Variants in CXXC5 observed in about 807,000 individuals in gnomAD.
CXXC5 encodes the protein CXXC-type zinc finger protein 5.
A neutral mutation model predicts 17.6 loss-of-function variants in CXXC5; 2 were observed. The ratio of observed to expected loss-of-function variants is 0.11; its 90% confidence interval spans 0.05 to 0.36. The LOEUF is 0.36. CXXC5 is among the 10% of genes least tolerant of loss of function. The pLI is 1.00. For missense variants in CXXC5, 343 were observed against 458.3 expected, an observed-to-expected ratio of 0.75 and a Z score of 2.30; for synonymous variants, 171 against 193.0, an observed-to-expected ratio of 0.89 and a Z score of 0.94.
chr5:139,654,949 G>C (rs2126746083), intron 1 of CXXC5, among the ~76,000 whole-genome samples: 1 of 152,274 alleles, frequency 6.6e-6, no homozygotes, highest in African/African-American at 2.4e-5. Context: ...GTGAGGCCCA[G>C]CCGTCCCTCC....
In CXXC5 at chr5:139,682,881, G is replaced by A. The variant is rs780820933; in HGVS notation, c.943G>A (p.Gly315Arg). Residue 315 changes from glycine (G) to arginine (R), a missense_variant, in exon 3 of 3, where the codon GGA becomes AGA. Physicochemically the swap from Gly to Arg is moderately radical, Grantham distance 125 (BLOSUM62 -2). Coordinates refer to ENST00000302517, the MANE Select transcript of CXXC5 (RefSeq NM_016463.9). ...CCGCCAGAAGGTGATGCTTCCGACG[G>A]GAGCCGCCTTCCGGTGGTTTCAGTG... is the stretch of plus-strand genomic sequence containing the variant. ...AALEKVMLPT[G>R]AAFRWFQ 3.8e-6 allele frequency: 6 copies of A among 1,594,414 alleles called. No homozygotes were observed. Among genetic ancestry groups the A allele is most frequent in the Non-Finnish European group, 5.1e-6 (6 of 1,170,208 alleles).
At chr5:139,681,767 G>C (rs934695400) in intron 2 of CXXC5, among the ~76,000 whole-genome samples, 1 of 152,248 alleles carries the variant, frequency 6.6e-6, no homozygotes, top group Non-Finnish European at 1.5e-5. Flanking sequence ...TTTCCATACA[G>C]GTCCTAAGTT....
upstream of CXXC5, chr5:139,648,186 G>C (rs1030575619): frequency 6.6e-6 from 1 of 150,804 alleles, no homozygotes; most frequent in Non-Finnish European, 1.5e-5. Flanking sequence ...CAGAGCCCGC[G>C]GCGTCCAAGT....
At chr5:139,681,813 A>G (rs1757253781) in intron 2 of CXXC5, among the ~76,000 whole-genome samples, 1 of 152,184 alleles carries the variant, frequency 6.6e-6, no homozygotes, top group African/African-American at 2.4e-5. Context: ...CATCCAGTCC[A>G]TGACCTAGAA....
rs553701255 is a variant in CXXC5, at chr5:139,679,752, C to T, written c.-160-612C>T. On this transcript the variant is annotated intron_variant, in intron 1 of 2. Transcript: ENST00000302517. ...TTATAACTCACTGCATCCTCAACCT[C>T]CTGGGCTCAAGCAGTCCTCCCACCT... is the stretch of plus-strand genomic sequence containing the variant. The T allele has an allele frequency of 2.0e-5, 3 of 152,372 alleles. No homozygotes were observed. The East Asian group carries it at 5.8e-4, about 29-fold the overall frequency. 9.4% of individuals were successfully genotyped at this position (152,372 alleles called of 1,614,324 possible). A position where few individuals can be genotyped will look rare whatever the true frequency, so the allele number is the denominator to read the frequency against.
intron 1 of CXXC5, among the ~76,000 whole-genome samples, chr5:139,660,379 A>G (rs1306612685): frequency 6.6e-6 from 1 of 152,164 alleles, no homozygotes; most frequent in African/African-American, 2.4e-5. Context: ...CCTGGCCAGG[A>G]TCCGGCCAGG....
At chr5:139,660,940 G>A (rs992741093) in intron 1 of CXXC5, among the ~76,000 whole-genome samples, 13 of 148,832 alleles carry the variant, frequency 8.7e-5, no homozygotes, top group African/African-American at 2.7e-4. Context: ...CCTGGTGGCC[G>A]GCGGGACAGG....
At chr5:139,678,075 A>G (rs1015330229) in intron 1 of CXXC5, among the ~76,000 whole-genome samples, 3 of 152,202 alleles carry the variant, frequency 2.0e-5, no homozygotes, top group Admixed American at 6.5e-5. Context: ...TGCAGCCCAC[A>G]AGACACCTGC....
rs1221543342 is a variant in CXXC5 at position 139,670,128 on chromosome 5, C to A, written c.-160-10236C>A. On this transcript the variant is annotated intron_variant, in intron 1 of 2. Transcript: ENST00000302517. This position sits in a 1 kb window ranked among gnomAD's most constrained non-coding sequence, Gnocchi z 4.2. ...GCCGGCTCGGCCCCATGGCCCCTCT[C>A]GCCTCATTATTTTTGTGTTCCGGGG... Among the ~76,000 whole-genome samples the A allele has an allele frequency of 2.0e-5, 3 of 152,236 alleles. No homozygotes were observed. Among genetic ancestry groups the A allele is most frequent in the Non-Finnish European group, 4.4e-5 (3 of 68,038 alleles).
chr5:139,680,546 C>A lies in CXXC5; in HGVS notation c.23C>A (p.Ser8Tyr), dbSNP rs967076715. The A allele has an allele frequency of 1.1e-5, 18 of 1,570,092 alleles. No homozygotes were observed. The Middle Eastern group carries it at 6.7e-4, about 59-fold the overall frequency. The change falls in exon 2 of 3, where the codon TCC becomes TAC. Residue 8 changes from serine to tyrosine, a missense_variant. Coordinates refer to ENST00000302517, the MANE Select transcript of CXXC5 (RefSeq NM_016463.9). Reference protein sequence around the residue: MSSLGGGSQDAGGSSSSS... With the variant: MSSLGGGYQDAGGSSSSS... ...ACCATGTCGAGCCTCGGCGGTGGCT[C>A]CCAGGATGCCGGCGGCAGTAGCAGC... is the stretch of plus-strand genomic sequence containing the variant.
intron 1 of CXXC5, among the ~76,000 whole-genome samples, chr5:139,659,215 C>T (rs921389134): frequency 4.0e-5 from 6 of 151,880 alleles, no homozygotes; most frequent in Admixed American, 1.3e-4. Flanking sequence ...CTGCTGCAGA[C>T]GGGTAGGGGT....
In CXXC5 at chr5:139,681,243, G is replaced by A; in HGVS notation, c.720G>A (p.Leu240=). 1 of 1,612,096 alleles carries A rather than the reference G, an allele frequency of 6.2e-7. No homozygotes were observed. Among genetic ancestry groups the A allele is most frequent in the South Asian group, 1.1e-5 (1 of 90,988 alleles). Residue 240 remains leucine, a synonymous_variant, in exon 2 of 3, where the codon CTG becomes CTA. Coordinates refer to ENST00000302517, the MANE Select transcript of CXXC5 (RefSeq NM_016463.9). ...AGAGCGCGCTGCACATGGCGGGCCT[G>A]GCTGAGTACCCCATGCAGGGAGAGC... ...LAESALHMAG[L]AEYPMQGELA...
chr5:139,674,513 C>G (rs529463214), intron 1 of CXXC5, among the ~76,000 whole-genome samples: 1 of 152,114 alleles, frequency 6.6e-6, no homozygotes, highest in African/African-American at 2.4e-5. Flanking sequence ...CAGCCTCTTC[C>G]ACGAGCCTCC....
chr5:139,649,948 C>T (rs1755076545), intron 1 of CXXC5, among the ~76,000 whole-genome samples: 1 of 152,186 alleles, frequency 6.6e-6, no homozygotes, highest in Non-Finnish European at 1.5e-5. Flanking sequence ...CGGCGGGGAG[C>T]GCGGGGTGCG....
At chr5:139,650,525 G>T (rs575837321) in intron 1 of CXXC5, among the ~76,000 whole-genome samples, 1 of 152,354 alleles carries the variant, frequency 6.6e-6, no homozygotes, top group Non-Finnish European at 1.5e-5. Context: ...CAAGTTTTCC[G>T]CTGGGGCCGC....
At chr5:139,674,381 C>T (rs1756659591) in intron 1 of CXXC5, among the ~76,000 whole-genome samples, 1 of 152,172 alleles carries the variant, frequency 6.6e-6, no homozygotes, top group Non-Finnish European at 1.5e-5. Context: ...GGAGACCGGC[C>T]CACCAAGGTG....
chr5:139,649,244 G>A (rs1242602711), intron 1 of CXXC5: 1 of 152,370 alleles, frequency 6.6e-6, no homozygotes, highest in African/African-American at 2.4e-5. Context: ...CCGTGGAGTG[G>A]GGCTGGGACG....
intron 1 of CXXC5, among the ~76,000 whole-genome samples, chr5:139,655,190 T>C (rs1303513007): frequency 6.6e-6 from 1 of 152,062 alleles, no homozygotes; most frequent in Non-Finnish European, 1.5e-5. Flanking sequence ...CCGAGGCCCA[T>C]CCCACCCTCA....
At chr5:139,678,631 C>T (rs765657698) in intron 1 of CXXC5, among the ~76,000 whole-genome samples, 14 of 152,214 alleles carry the variant, frequency 9.2e-5, no homozygotes, top group Non-Finnish European at 1.6e-4. Flanking sequence ...TGGGGAAGCC[C>T]CCCCTCCCCC....
Sources: gnomAD v4.1 joint callset for allele counts (sites outside exome capture counted in the v4.1 genomes callset) on GRCh38, gnomAD v4.1.1 for gene constraint, Gnocchi (gnomAD v3.1) non-coding constraint, MANE v1.5 for transcripts, NCBI Gene and HGNC (gene_info 2026-07-23, HGNC 2026-07-21) for gene names.